NUDT6: variants seen among roughly 807,000 people sequenced by gnomAD.
NUDT6 encodes the protein nudix hydrolase 6.
In NUDT6, 24 loss-of-function variants were observed where a neutral mutation model predicts 36.8. The ratio of observed to expected loss-of-function variants is 0.65; its 90% CI spans 0.47 to 0.92. The LOEUF (loss-of-function observed/expected upper bound fraction) is 0.92. NUDT6 is among the 40% of genes least tolerant of loss of function. NUDT6 has a pLI of 0.00. For missense variants in NUDT6, 388 were observed against 392.8 expected (o/e 0.99, Z 0.10); for synonymous variants, 163 against 157.0 (o/e 1.04, Z -0.29).
chr4:122,893,020 G>C lies in NUDT6; in HGVS notation c.759C>G (p.Asp253Glu). 6.2e-7 allele frequency: 1 copy of C among 1,614,124 alleles called. No homozygotes were observed. The highest frequency in any genetic ancestry group is 8.5e-7 in the Non-Finnish European group (1 of 1,180,026). The change falls in exon 5 of 5, where the codon GAC becomes GAG. Residue 253 changes from aspartate to glutamate, a missense_variant. Transcript: ENST00000304430. ...GAGTTGTATTTTCAGTCTTCGCCAG[G>C]TCATTGAGATCCATCCACTCACATC... is the stretch of plus-strand genomic sequence containing the variant. ...CLRCEWMDLN[D>E]LAKTENTTPI...
intron 3 of NUDT6, among the ~76,000 whole-genome samples, chr4:122,910,817 C>A (rs904553553): frequency 2.0e-5 from 3 of 152,110 alleles, no homozygotes; most frequent in African/African-American, 7.2e-5. Flanking sequence ...CAGTTAATGG[C>A]ATGGCCAAAT....
At chr4:122,902,932 G>T (rs1727552852) in intron 3 of NUDT6, among the ~76,000 whole-genome samples, 1 of 152,104 alleles carries the variant, frequency 6.6e-6, no homozygotes, top group African/African-American at 2.4e-5. Context: ...CATAAAGAAA[G>T]GAGAGCAACT....
chr4:122,917,403 C>A (rs1727866361), intron 2 of NUDT6, 98 bp downstream of exon 2: 1 of 1,021,028 alleles, frequency 9.8e-7, no homozygotes, highest in African/African-American at 1.6e-5. Flanking sequence ...TCAAATAACT[C>A]ATTCCACATG....
intron 2 of NUDT6, among the ~76,000 whole-genome samples, chr4:122,913,035 A>C (rs1455284976): frequency 2.0e-5 from 3 of 152,222 alleles, no homozygotes. Context: ...CAGTGCTCAA[A>C]TACTTTTGGA....
intron 4 of NUDT6, 27 bp downstream of exon 4, chr4:122,897,597 C>A (rs1429863111): frequency 9.5e-6 from 14 of 1,479,382 alleles, no homozygotes; most frequent in Non-Finnish European, 9.5e-6. Context: ...CATTTTTAAG[C>A]CAATTAAAAA....
chr4:122,899,340 A>T (rs1409473797), intron 3 of NUDT6, among the ~76,000 whole-genome samples: 1 of 152,152 alleles, frequency 6.6e-6, no homozygotes, highest in Non-Finnish European at 1.5e-5. Context: ...GCTAGACATA[A>T]GGATTGAAAA....
At chr4:122,902,630 G>A (rs1283838671) in intron 3 of NUDT6, among the ~76,000 whole-genome samples, 2 of 152,202 alleles carry the variant, frequency 1.3e-5, no homozygotes, top group African/African-American at 4.8e-5. Context: ...GCTTAGAACA[G>A]TGTATACAGC....
chr4:122,910,258 T>A (rs554340710), intron 3 of NUDT6, among the ~76,000 whole-genome samples: 2 of 148,832 alleles, frequency 1.3e-5, no homozygotes, highest in Non-Finnish European at 3.0e-5. Context: ...ACCTGTTAAG[T>A]CACTTGTCTT....
chr4:122,897,740 T>G (rs1376866729), intron 3 of NUDT6, 62 bp from the exon 4 acceptor site: 2 of 1,134,890 alleles, frequency 1.8e-6, no homozygotes, highest in South Asian at 2.5e-5. Flanking sequence ...CATATGTAGA[T>G]TTCACAAAAT....
intron 2 of NUDT6, among the ~76,000 whole-genome samples, chr4:122,914,574 T>C (rs1727793246): frequency 6.6e-6 from 1 of 152,142 alleles, no homozygotes. Context: ...TTAGCTCAGG[T>C]ATAAGTCACA....
At position 122,922,398 on chromosome 4, in the gene NUDT6, G is replaced by C; in HGVS notation, c.175C>G (p.Arg59Gly). Residue 59 changes from arginine (R) to glycine (G), a missense_variant, in exon 1 of 5, where the codon CGC becomes GGC. Arg to Gly is a moderately radical substitution (Grantham distance 125, BLOSUM62 -2). Coordinates refer to ENST00000304430, the MANE Select transcript of NUDT6 (RefSeq NM_007083.5). ...TCCAGCGCATCGAGCCGCGCCAGGC[G>C]CACCGAGATGCCCCCGAATCTGTCC... Reference protein sequence around the residue: ...ELDRFGGISVRLARLDALDRL... With the variant: ...ELDRFGGISVGLARLDALDRL... 2.5e-6 allele frequency: 4 copies of C among 1,609,300 alleles called. No individual in the cohort carries two copies. Among genetic ancestry groups the C allele is most frequent in the Non-Finnish European group, 3.4e-6 (4 of 1,179,662 alleles).
intron 1 of NUDT6, chr4:122,920,443 G>C (rs967232056): frequency 2.6e-5 from 4 of 152,110 alleles, no homozygotes; most frequent in Non-Finnish European, 4.4e-5. Context: ...TTGTTTTATT[G>C]AAAAAATATA....
At chr4:122,907,551 T>C (rs1478049761) in intron 3 of NUDT6, among the ~76,000 whole-genome samples, 9 of 149,586 alleles carry the variant, frequency 6.0e-5, no homozygotes, top group South Asian at 4.3e-4. Context: ...CCCGGGTTCA[T>C]GCCATTCTCC....
At chr4:122,916,293 A>C (rs1727839171) in intron 2 of NUDT6, among the ~76,000 whole-genome samples, 1 of 152,188 alleles carries the variant, frequency 6.6e-6, no homozygotes, top group South Asian at 2.1e-4. Context: ...CTCTGAGGGA[A>C]GTCTTCTCTC....
At chr4:122,909,340 C>A (rs1015606340) in intron 3 of NUDT6, among the ~76,000 whole-genome samples, 1 of 152,126 alleles carries the variant, frequency 6.6e-6, no homozygotes, top group African/African-American at 2.4e-5. Context: ...CTCTCTAAAT[C>A]TCAGTCCTAA....
At chr4:122,904,222 T>C (rs1394057764) in intron 3 of NUDT6, among the ~76,000 whole-genome samples, 2 of 152,152 alleles carry the variant, frequency 1.3e-5, no homozygotes, top group Admixed American at 1.3e-4. Flanking sequence ...AACAAAACTT[T>C]GTCAGAAGCT....
chr4:122,915,415 A>G (rs1727808744), intron 2 of NUDT6, among the ~76,000 whole-genome samples: 1 of 143,970 alleles, frequency 6.9e-6, no homozygotes, highest in African/African-American at 2.6e-5. Flanking sequence ...GGTCGGAATG[A>G]GCCCAGATCA....
chr4:122,912,534 T>A, intron 3 of NUDT6, 34 bp downstream of exon 3: 1 of 1,452,002 alleles, frequency 6.9e-7, no homozygotes, highest in Non-Finnish European at 9.7e-7. Flanking sequence ...AAATAAACAT[T>A]TAGGAAGCAA....
At chr4:122,899,950 C>G (rs575694394) in intron 3 of NUDT6, among the ~76,000 whole-genome samples, 17 of 152,120 alleles carry the variant, frequency 1.1e-4, no homozygotes, top group South Asian at 1.0e-3. Context: ...GCAGTAGCCA[C>G]GGCCCTGACA....
Sources: allele counts gnomAD v4.1 joint callset (sites outside exome capture counted in the v4.1 genomes callset), GRCh38; gene constraint gnomAD v4.1.1; transcripts MANE v1.5; gene names NCBI Gene and HGNC (gene_info 2026-07-23, HGNC 2026-07-21).